The following EML1 variants were observed in gnomAD, a reference collection of about 807,000 sequenced individuals.
The protein encoded by EML1 is echinoderm microtubule-associated protein-like 1.
In EML1, 27 loss-of-function variants were observed where a neutral mutation model predicts 110.4. The ratio of observed to expected loss-of-function variants is 0.24; its 90% CI spans 0.18 to 0.34. The LOEUF is 0.34. Ranked by LOEUF, EML1 falls within the 10% of genes least tolerant of loss-of-function variation. EML1 has a pLI of 1.00. For synonymous variants in EML1, 344 were observed against 385.8 expected (o/e 0.89, Z 1.27); for missense variants, 741 against 1,030.9 (o/e 0.72, Z 3.85).
rs563335864 is a variant in EML1 at position 99,909,232 on chromosome 14, G to A, written c.1105-113G>A. The A allele has an allele frequency of 3.3e-6, 5 of 1,494,098 alleles. No homozygotes were observed. In the African/African-American group the frequency reaches 6.9e-5, roughly 21 times the overall value. 92.6% of individuals were successfully genotyped at this position (1,494,098 alleles called of 1,614,324 possible). On this transcript the variant is annotated intron_variant, in intron 10 of 21. Transcript: ENST00000262233. The stretch of plus-strand genomic sequence containing the variant: ...TTCAATGGGGGAAATAATAGGCATT[G>A]TGCTTGCCTTGAATTTCTTATTTAT...
chr14:99,929,038 C>T (rs1237309825), intron 17 of EML1, among the ~76,000 whole-genome samples: 1 of 152,232 alleles, frequency 6.6e-6, no homozygotes, highest in Non-Finnish European at 1.5e-5. Flanking sequence ...TCCTAGAAAG[C>T]CATCTGATAC....
At position 99,781,158 on chromosome 14, in the gene EML1, G is replaced by A. The variant is rs1003493506; in HGVS notation, c.-27+7145G>A. 2.6e-5 allele frequency among the ~76,000 whole-genome samples: 4 copies of A among 151,852 alleles called. No individual in the cohort carries two copies. Among genetic ancestry groups the A allele is most frequent in the African/African-American group, 9.7e-5 (4 of 41,330 alleles). On this transcript the variant is annotated intron_variant, in intron 1 of 22. Coordinates refer to the EML1 transcript ENST00000327921. The surrounding 1 kb of genome is among the most constrained non-coding windows in gnomAD (Gnocchi z 4.2). ...TCCACTGGCCGCCTCCCTTCTCCTTGACTCGTCCCCAGCTTCTAATTCTTT... is the reference window on the plus strand; with the variant it reads ...TCCACTGGCCGCCTCCCTTCTCCTTAACTCGTCCCCAGCTTCTAATTCTTT...
At chr14:99,793,291 C>A (rs1316341123), upstream of EML1, 4 of 974,068 alleles carry the variant, frequency 4.1e-6, no homozygotes, top group Non-Finnish European at 4.9e-6. Flanking sequence ...GCGGAGCGGG[C>A]GCTGGGCTCG....
chr14:99,818,915 T>C (rs1475745388), intron 1 of EML1, among the ~76,000 whole-genome samples: 10 of 152,220 alleles, frequency 6.6e-5, no homozygotes, highest in Admixed American at 6.5e-4. Flanking sequence ...CTAAACTACA[T>C]ATCGTCAGAA....
At chr14:99,860,662 C>CT (rs1412615234) in intron 2 of EML1, among the ~76,000 whole-genome samples, 2 of 152,078 alleles carry the variant, frequency 1.3e-5, no homozygotes, top group African/African-American at 2.4e-5. Flanking sequence ...GTGGGGGTTA[C>CT]GATGCTATTT....
intron 4 of EML1, among the ~76,000 whole-genome samples, chr14:99,882,662 A>G (rs1050129893): frequency 6.6e-6 from 1 of 151,666 alleles, no homozygotes; most frequent in Non-Finnish European, 1.5e-5. Context: ...AAAAAAAAAA[A>G]AAAAAAAAAA....
intron 1 of EML1, among the ~76,000 whole-genome samples, chr14:99,740,940 A>C (rs982620644): frequency 6.6e-6 from 1 of 152,198 alleles, no homozygotes; most frequent in Non-Finnish European, 1.5e-5. Context: ...CAGAATCTGC[A>C]GGAAGAGAAT....
At chr14:99,817,275 A>C (rs935781489) in intron 1 of EML1, among the ~76,000 whole-genome samples, 1 of 152,216 alleles carries the variant, frequency 6.6e-6, no homozygotes. Flanking sequence ...CCCTCAGAAG[A>C]AGCTCACAGC....
upstream of EML1, among the ~76,000 whole-genome samples, chr14:99,772,584 C>T (rs2057438587): frequency 6.6e-6 from 1 of 152,230 alleles, no homozygotes; most frequent in Admixed American, 6.5e-5. Flanking sequence ...CTTTTGTCAA[C>T]TCTCCAAAGC....
upstream of EML1, among the ~76,000 whole-genome samples, chr14:99,769,019 G>T (rs554574129): frequency 6.6e-6 from 1 of 152,146 alleles, no homozygotes; most frequent in South Asian, 2.1e-4. Flanking sequence ...CGCCTGGCCT[G>T]CTTGTATATT....
upstream of EML1, among the ~76,000 whole-genome samples, chr14:99,793,106 G>A (rs2057697441): frequency 6.6e-6 from 1 of 150,632 alleles, no homozygotes; most frequent in Non-Finnish European, 1.5e-5. Context: ...CGTGCGCGGA[G>A]GCGGGGCCTG....
upstream of EML1, among the ~76,000 whole-genome samples, chr14:99,789,439 C>T (rs1215795645): frequency 6.6e-6 from 1 of 152,140 alleles, no homozygotes; most frequent in African/African-American, 2.4e-5. Flanking sequence ...GAACTCCTGA[C>T]CTCAGGTGAT....
chr14:99,841,444 G>A (rs2058631879), intron 1 of EML1, among the ~76,000 whole-genome samples: 1 of 152,164 alleles, frequency 6.6e-6, no homozygotes, highest in African/African-American at 2.4e-5. Context: ...AACGTCAGAA[G>A]GCAGGTGGTA....
intron 2 of EML1, among the ~76,000 whole-genome samples, chr14:99,863,844 C>T (rs1051084564): frequency 6.6e-6 from 1 of 152,206 alleles, no homozygotes; most frequent in African/African-American, 2.4e-5. Context: ...TGGGTAAATA[C>T]CTAGTGTCAG....
chr14:99,929,965 G>T (rs1002790154), intron 17 of EML1, among the ~76,000 whole-genome samples: 4 of 152,160 alleles, frequency 2.6e-5, no homozygotes, highest in Non-Finnish European at 5.9e-5. Context: ...AGCTTTATAG[G>T]TGGAGCTGGC....
intron 16 of EML1, among the ~76,000 whole-genome samples, chr14:99,919,642 A>G (rs925062867): frequency 7.9e-5 from 12 of 152,008 alleles, no homozygotes; most frequent in African/African-American, 2.9e-4. Context: ...GGATCGGGTC[A>G]CCTAATCCAG....
intron 1 of EML1, among the ~76,000 whole-genome samples, chr14:99,837,710 G>A (rs548351761): frequency 6.6e-5 from 10 of 152,306 alleles, no homozygotes; most frequent in African/African-American, 1.9e-4. Flanking sequence ...CCACCAGCCT[G>A]TTTTAGAAAG....
At chr14:99,789,291 C>T (rs1225997034), upstream of EML1, among the ~76,000 whole-genome samples, 1 of 152,158 alleles carries the variant, frequency 6.6e-6, no homozygotes, top group Non-Finnish European at 1.5e-5. Flanking sequence ...TCATTGCAAC[C>T]TCCACCTCCT....
chr14:99,770,483 C>T (rs1055023998), upstream of EML1, among the ~76,000 whole-genome samples: 2 of 151,994 alleles, frequency 1.3e-5, no homozygotes, highest in East Asian at 3.9e-4. Flanking sequence ...GGGTTCCACT[C>T]TTATGATCTA....
Sources: allele counts gnomAD v4.1 joint callset (sites outside exome capture counted in the v4.1 genomes callset), GRCh38; gene constraint gnomAD v4.1.1; non-coding constraint Gnocchi (gnomAD v3.1); transcripts MANE v1.5; gene names NCBI Gene and HGNC (gene_info 2026-07-23, HGNC 2026-07-21).